HPCAL1: variants seen among roughly 807,000 people sequenced by gnomAD.
The protein encoded by HPCAL1 is hippocalcin like 1, also known as hippocalcin-like protein 1.
HPCAL1 carries 8 observed loss-of-function variants against 17.1 expected under a neutral mutation model. That is an observed-to-expected ratio of 0.47 (90% CI 0.27 to 0.84). The LOEUF (loss-of-function observed/expected upper bound fraction) is 0.84. HPCAL1 is among the 40% of genes least tolerant of loss of function. HPCAL1 has a pLI of 0.13. For synonymous variants in HPCAL1, 112 were observed against 111.4 expected, an observed-to-expected ratio of 1.01 and a Z score of -0.03; for missense variants, 165 against 271.1, an observed-to-expected ratio of 0.61 and a Z score of 2.75.
In HPCAL1 at chr2:10,310,738, G is replaced by A. The variant is rs1268711326; in HGVS notation, c.-111+7561G>A. On this transcript the variant is annotated intron_variant, in intron 1 of 4. Coordinates refer to ENST00000307845, the MANE Select transcript of HPCAL1 (RefSeq NM_002149.4). This position sits in a 1 kb window ranked among gnomAD's most constrained non-coding sequence, Gnocchi z 4.5. ...GCATGGATCGGGTCTGGGAGTGTTCGTGCTGGCAGGCCGGAGGAGGACTGC... is the reference window on the plus strand; with the variant it reads ...GCATGGATCGGGTCTGGGAGTGTTCATGCTGGCAGGCCGGAGGAGGACTGC... Among the ~76,000 whole-genome samples, 2 of 152,124 alleles carry A rather than the reference G, an allele frequency of 1.3e-5. No individual in the cohort carries two copies. The highest frequency in any genetic ancestry group is 3.9e-4 in the East Asian group (2 of 5,188).
chr2:10,387,244 G>A (rs1263421446), intron 1 of HPCAL1, among the ~76,000 whole-genome samples: 1 of 152,244 alleles, frequency 6.6e-6, no homozygotes, highest in African/African-American at 2.4e-5. Flanking sequence ...ACCTCCTTGT[G>A]CCAGCCTCAC....
chr2:10,403,694 G>T (rs1572831887), intron 2 of HPCAL1, among the ~76,000 whole-genome samples: 1 of 151,944 alleles, frequency 6.6e-6, no homozygotes, highest in East Asian at 1.9e-4. Context: ...TGTTGGCCAG[G>T]CTGGTCTTGA....
intron 1 of HPCAL1, among the ~76,000 whole-genome samples, chr2:10,332,691 G>A (rs1378614764): frequency 1.3e-5 from 2 of 152,166 alleles, no homozygotes; most frequent in East Asian, 1.9e-4. Flanking sequence ...CAGCAAGGAA[G>A]GGACAGAGCT....
chr2:10,394,724 C>T lies in HPCAL1; in HGVS notation c.-110-2111C>T, dbSNP rs528825414. On this transcript the variant is annotated intron_variant, in intron 1 of 4. Transcript: ENST00000307845. This position sits in a 1 kb window ranked among gnomAD's most constrained non-coding sequence, Gnocchi z 5.0. ...TGTGGATCGTGGGGAAGGCTGTGGC[C>T]GGGAGTGGTGTAAGGGGTGTGTGGG... Among the ~76,000 whole-genome samples the T allele has an allele frequency of 3.6e-4, 54 of 152,094 alleles. No individual in the cohort carries two copies. The highest frequency in any genetic ancestry group is 6.5e-4 in the Admixed American group (10 of 15,272).
rs1486942584 is a variant in HPCAL1 at position 10,395,672 on chromosome 2, G to GT, written c.-110-1162dup. Among the ~76,000 whole-genome samples the GT allele has an allele frequency of 6.6e-6, 1 of 152,198 alleles. No individual in the cohort carries two copies. The highest frequency in any genetic ancestry group is 2.4e-5 in the African/African-American group (1 of 41,448). ...GGAGAAAGTAATTAGGGAGTGTGCG[G>GT]TAGATGCGGAAGAGAAACGGGCCGT... On this transcript the variant is annotated intron_variant, in intron 1 of 4. Coordinates refer to ENST00000307845, the MANE Select transcript of HPCAL1 (RefSeq NM_002149.4). This position sits in a 1 kb window ranked among gnomAD's most constrained non-coding sequence, Gnocchi z 4.4.
At chr2:10,404,219 G>A (rs1572833200) in intron 2 of HPCAL1, among the ~76,000 whole-genome samples, 1 of 152,130 alleles carries the variant, frequency 6.6e-6, no homozygotes. Context: ...CCAGGATGAA[G>A]TCTGGGACTG....
rs1414196347 is a variant in HPCAL1, at chr2:10,359,950, C to T, written c.-110-36885C>T. 4.0e-5 allele frequency among the ~76,000 whole-genome samples: 6 copies of T among 151,714 alleles called. No individual in the cohort carries two copies. The East Asian group carries it at 9.6e-4, about 24-fold the overall frequency. ...TCCACAGCGCCCGCCGGGTCCACAG[C>T]GCCCACCAGGTTTGATGTGGGCTGA... On this transcript the variant is annotated intron_variant, in intron 1 of 4. Coordinates refer to ENST00000307845, the MANE Select transcript of HPCAL1 (RefSeq NM_002149.4). This position sits in a 1 kb window ranked among gnomAD's most constrained non-coding sequence, Gnocchi z 4.1.
At chr2:10,326,201 T>G (rs957595621) in intron 1 of HPCAL1, among the ~76,000 whole-genome samples, 1 of 152,138 alleles carries the variant, frequency 6.6e-6, no homozygotes, top group Non-Finnish European at 1.5e-5. Flanking sequence ...GTGGTAAACG[T>G]TCGTTAACTT....
chr2:10,320,587 G>T (rs1663614830), intron 1 of HPCAL1, among the ~76,000 whole-genome samples: 1 of 152,216 alleles, frequency 6.6e-6, no homozygotes, highest in African/African-American at 2.4e-5. Context: ...CCCAGTCTCA[G>T]GTAGTTCTTT....
chr2:10,353,123 A>G (rs191158328), intron 1 of HPCAL1, among the ~76,000 whole-genome samples: 1 of 152,168 alleles, frequency 6.6e-6, no homozygotes, highest in African/African-American at 2.4e-5. Context: ...TCTGCTGTCA[A>G]TTTGCCAGGA....
chr2:10,377,251 A>T lies in HPCAL1; in HGVS notation c.-110-19584A>T, dbSNP rs1667628940. Among the ~76,000 whole-genome samples, 1 of 152,206 alleles carries T rather than the reference A, an allele frequency of 6.6e-6. No homozygotes were observed. Among genetic ancestry groups the T allele is most frequent in the South Asian group, 2.1e-4 (1 of 4,834 alleles). ...CGCAGGCCGCGCCGCCCCGAATGGCAGGTGGAAGGCGGCTGAGTGGAGCCG... is the reference window on the plus strand; with the variant it reads ...CGCAGGCCGCGCCGCCCCGAATGGCTGGTGGAAGGCGGCTGAGTGGAGCCG... On this transcript the variant is annotated intron_variant, in intron 1 of 4. Transcript: ENST00000307845. This position sits in a 1 kb window ranked among gnomAD's most constrained non-coding sequence, Gnocchi z 5.9.
In HPCAL1 at chr2:10,304,480, C is replaced by A. The variant is rs1410441460; in HGVS notation, c.-111+1303C>A. Among the ~76,000 whole-genome samples the A allele has an allele frequency of 6.6e-6, 1 of 151,876 alleles. No individual in the cohort carries two copies. Among genetic ancestry groups the A allele is most frequent in the African/African-American group, 2.4e-5 (1 of 41,300 alleles). ...TCCAGCTGCTGGCCTCGGCATTAGA[C>A]AACCCCCAGCCCCAGCCCCTGCCAT... On this transcript the variant is annotated intron_variant, in intron 1 of 4. Coordinates refer to ENST00000307845, the MANE Select transcript of HPCAL1 (RefSeq NM_002149.4). This position sits in a 1 kb window ranked among gnomAD's most constrained non-coding sequence, Gnocchi z 4.1.
At chr2:10,412,033 C>T (rs1670393478) in intron 2 of HPCAL1, among the ~76,000 whole-genome samples, 1 of 152,292 alleles carries the variant, frequency 6.6e-6, no homozygotes. Context: ...CCATGTTGGT[C>T]AGGGGTGGCT....
chr2:10,335,824 A>C (rs1302220750), intron 1 of HPCAL1, among the ~76,000 whole-genome samples: 1 of 152,252 alleles, frequency 6.6e-6, no homozygotes, highest in Non-Finnish European at 1.5e-5. Context: ...GATGGGTGTA[A>C]AATAGTATCT....
intron 1 of HPCAL1, among the ~76,000 whole-genome samples, chr2:10,324,757 G>C (rs1163986927): frequency 2.0e-5 from 3 of 149,216 alleles, no homozygotes; most frequent in Non-Finnish European, 4.5e-5. Context: ...TTGTGTTGGG[G>C]GTGGGGTTGT....
At chr2:10,346,711 T>C (rs1270072854) in intron 1 of HPCAL1, among the ~76,000 whole-genome samples, 2 of 152,186 alleles carry the variant, frequency 1.3e-5, no homozygotes, top group African/African-American at 4.8e-5. Context: ...TCAAACAGAA[T>C]GAAGTGTACT....
At chr2:10,418,446 C>CAAAAAAAAAA (rs58884767) in intron 2 of HPCAL1, among the ~76,000 whole-genome samples, 1 of 60,164 alleles carries the variant, frequency 1.7e-5, no homozygotes, top group Non-Finnish European at 3.0e-5. Context: ...GACTCCATCT[C>CAAAAAAAAAA]AAAAAAAAAA....
intron 1 of HPCAL1, among the ~76,000 whole-genome samples, chr2:10,380,646 C>T (rs1460228232): frequency 6.6e-6 from 1 of 152,122 alleles, no homozygotes; most frequent in Non-Finnish European, 1.5e-5. Context: ...CAACCCACCC[C>T]TCCCCATTTT....
intron 1 of HPCAL1, among the ~76,000 whole-genome samples, chr2:10,374,263 T>C (rs1486475543): frequency 6.7e-6 from 1 of 149,738 alleles, no homozygotes; most frequent in African/African-American, 2.5e-5. Context: ...ATTTTAATTA[T>C]AAGAGTGATG....
Sources: allele counts gnomAD v4.1 joint callset (sites outside exome capture counted in the v4.1 genomes callset), GRCh38; gene constraint gnomAD v4.1.1; non-coding constraint Gnocchi (gnomAD v3.1); transcripts MANE v1.5; gene names NCBI Gene and HGNC (gene_info 2026-07-23, HGNC 2026-07-21).